The following CREB5 variants were observed in gnomAD, a reference collection of about 807,000 sequenced individuals.
CREB5 encodes the protein cAMP responsive element binding protein 5, also known as cyclic AMP-responsive element-binding protein 5.
CREB5 carries 19 observed loss-of-function variants against 57.1 expected under a neutral mutation model. The ratio of observed to expected loss-of-function variants is 0.33; its 90% CI spans 0.23 to 0.49. The LOEUF is 0.49. Among genes scored for constraint, CREB5 ranks in the 20% least tolerant of loss-of-function variants. The probability of loss-of-function intolerance (pLI) is 0.99; values close to 1 mark genes in which losing one functional copy is unlikely to be tolerated. For synonymous variants in CREB5, 238 were observed against 238.3 expected, an observed-to-expected ratio of 1.00 and a Z score of 0.01; for missense variants, 579 against 671.6, an observed-to-expected ratio of 0.86 and a Z score of 1.52.
chr7:28,761,750 G>GTA (rs1554296875), intron 7 of CREB5, among the ~76,000 whole-genome samples: 1 of 151,650 alleles, frequency 6.6e-6, no homozygotes, highest in African/African-American at 2.4e-5. Flanking sequence ...GTGTGTGTGT[G>GTA]TATCATTTGT....
At chr7:28,817,913 T>G (rs1333153474) in intron 9 of CREB5, among the ~76,000 whole-genome samples, 158 bp from the exon 10 acceptor site, 1 of 152,206 alleles carries the variant, frequency 6.6e-6, no homozygotes, top group Non-Finnish European at 1.5e-5. Context: ...AAATTAAAGG[T>G]AAGCTACAAA....
chr7:28,663,857 T>C (rs953153247), intron 5 of CREB5, among the ~76,000 whole-genome samples: 19 of 152,222 alleles, frequency 1.2e-4, no homozygotes, highest in African/African-American at 4.6e-4. Flanking sequence ...TCATGTGCTT[T>C]AGTACTGCAG....
chr7:28,593,003 G>A (rs1256496948), intron 5 of CREB5, among the ~76,000 whole-genome samples: 1 of 152,202 alleles, frequency 6.6e-6, no homozygotes, highest in Non-Finnish European at 1.5e-5. Flanking sequence ...AGTGGGGTGT[G>A]CATGGCACAA....
chr7:28,380,487 T>A (rs1355839542), intron 1 of CREB5, among the ~76,000 whole-genome samples: 2 of 152,140 alleles, frequency 1.3e-5, no homozygotes, highest in African/African-American at 2.4e-5. Context: ...AAAGGAAGAA[T>A]CCCACTGTGG....
chr7:28,363,034 G>A (rs919213431), intron 1 of CREB5, among the ~76,000 whole-genome samples: 5 of 152,142 alleles, frequency 3.3e-5, no homozygotes, highest in African/African-American at 1.2e-4. Context: ...TTAAGATTGT[G>A]CTAAGTATAA....
At chr7:28,569,168 C>CA (rs1391138823) in intron 4 of CREB5, among the ~76,000 whole-genome samples, 1 of 130,590 alleles carries the variant, frequency 7.7e-6, no homozygotes, top group Non-Finnish European at 1.6e-5. Flanking sequence ...TTTTTTTTTT[C>CA]TTTTTTAGAG....
chr7:28,476,257 A>T (rs1351708740), intron 1 of CREB5, among the ~76,000 whole-genome samples: 1 of 152,252 alleles, frequency 6.6e-6, no homozygotes, highest in Non-Finnish European at 1.5e-5. Flanking sequence ...TCAGAGAATC[A>T]TCAAGTCAGG....
chr7:28,697,493 C>A (rs887888920), intron 5 of CREB5, among the ~76,000 whole-genome samples: 3 of 152,100 alleles, frequency 2.0e-5, no homozygotes, highest in Admixed American at 6.6e-5. Context: ...TATCTCCTCC[C>A]GTAAGTCACC....
chr7:28,575,343 GA>G (rs1463546305), intron 5 of CREB5, among the ~76,000 whole-genome samples: 2 of 152,204 alleles, frequency 1.3e-5, no homozygotes, highest in Non-Finnish European at 2.9e-5. Context: ...TGGGGGTGGG[GA>G]AAGAACAGTA....
chr7:28,428,105 G>C (rs566488711), intron 1 of CREB5, among the ~76,000 whole-genome samples: 3 of 152,210 alleles, frequency 2.0e-5, no homozygotes, highest in African/African-American at 7.2e-5. Flanking sequence ...CCAGGGAAGG[G>C]AGGAATTCCT....
chr7:28,743,829 TCTC>T (rs1171512497), intron 7 of CREB5, among the ~76,000 whole-genome samples: 1 of 129,982 alleles, frequency 7.7e-6, no homozygotes, highest in Non-Finnish European at 1.6e-5. Flanking sequence ...TGTGTCCTAA[TCTC>T]CTTTTCTTTT....
At chr7:28,622,257 T>TCACACACACA (rs879826524) in intron 5 of CREB5, among the ~76,000 whole-genome samples, 4 of 139,222 alleles carry the variant, frequency 2.9e-5, no homozygotes, top group Non-Finnish European at 4.5e-5. Context: ...TCTCTCTCTC[T>TCACACACACA]CTCACACACA....
intron 7 of CREB5, among the ~76,000 whole-genome samples, chr7:28,789,314 A>G (rs1483499874): frequency 6.6e-6 from 1 of 152,200 alleles, no homozygotes; most frequent in Admixed American, 6.5e-5. Context: ...TCCGAAATGA[A>G]CAAAGTTGAT....
At chr7:28,687,330 T>C (rs572349751) in intron 5 of CREB5, among the ~76,000 whole-genome samples, 1 of 151,896 alleles carries the variant, frequency 6.6e-6, no homozygotes. Flanking sequence ...GATTGAGTTG[T>C]CTTAGAAACA....
intron 3 of CREB5, among the ~76,000 whole-genome samples, chr7:28,497,283 T>C (rs1792097153): frequency 1.3e-5 from 2 of 152,246 alleles, no homozygotes; most frequent in South Asian, 2.1e-4. Context: ...CGAAGCATTC[T>C]TCTATATAGT....
At chr7:28,396,875 C>T (rs545983248) in intron 1 of CREB5, among the ~76,000 whole-genome samples, 3 of 152,338 alleles carry the variant, frequency 2.0e-5, no homozygotes, top group Admixed American at 6.5e-5. Flanking sequence ...ACCTTCTCTT[C>T]CTCCTTATAC....
intron 5 of CREB5, among the ~76,000 whole-genome samples, chr7:28,712,472 C>T (rs1030291829): frequency 5.5e-5 from 8 of 144,594 alleles, no homozygotes; most frequent in African/African-American, 2.1e-4. Context: ...CACACCCTTG[C>T]ACTCTAGCCT....
At chr7:28,730,068 G>A (rs767761376) in intron 7 of CREB5, among the ~76,000 whole-genome samples, 16 of 152,254 alleles carry the variant, frequency 1.1e-4, no homozygotes, top group Non-Finnish European at 1.8e-4. Context: ...CACCGTGGTA[G>A]AGAGTAGTTA....
intron 5 of CREB5, among the ~76,000 whole-genome samples, chr7:28,617,690 T>G (rs1797641984): frequency 6.6e-6 from 1 of 152,174 alleles, no homozygotes; most frequent in Non-Finnish European, 1.5e-5. Flanking sequence ...TAATGAGAGT[T>G]GGAAGCTGTC....
Sources: gnomAD v4.1 joint callset for allele counts (sites outside exome capture counted in the v4.1 genomes callset) on GRCh38, gnomAD v4.1.1 for gene constraint, MANE v1.5 for transcripts, NCBI Gene and HGNC (gene_info 2026-07-23, HGNC 2026-07-21) for gene names.